The following UNC13C variants were observed in gnomAD, a reference collection of about 807,000 sequenced individuals.
UNC13C encodes the protein unc-13 homolog C.
UNC13C carries 174 observed loss-of-function variants against 245.4 expected under a neutral mutation model. The observed-to-expected ratio is 0.71, with a 90% CI of 0.63 to 0.80. The LOEUF (loss-of-function observed/expected upper bound fraction) is 0.80, where lower values mean the gene tolerates loss of function less well. Ranked by LOEUF, UNC13C falls within the 30% of genes least tolerant of loss-of-function variation. The probability of loss-of-function intolerance (pLI) is 0.00; values close to 1 mark genes in which losing one functional copy is unlikely to be tolerated. For missense variants in UNC13C, 2,829 were observed against 2,602.9 expected (o/e 1.09, Z -1.89); for synonymous variants, 992 against 895.1 (o/e 1.11, Z -1.93).
At chr15:54,584,077 C>T (rs1378781175) in intron 30 of UNC13C, among the ~76,000 whole-genome samples, 1 of 152,158 alleles carries the variant, frequency 6.6e-6, no homozygotes, top group African/African-American at 2.4e-5. Context: ...GGTTTCACCT[C>T]CTCCTTGTGC....
chr15:54,372,231 A>G (rs1038551989), intron 17 of UNC13C, among the ~76,000 whole-genome samples: 2 of 152,092 alleles, frequency 1.3e-5, no homozygotes, highest in African/African-American at 2.4e-5. Flanking sequence ...TTTACTTGTC[A>G]ATTAAAAAGT....
chr15:54,005,676 A>T (rs1895103723), intron 1 of UNC13C, among the ~76,000 whole-genome samples: 1 of 152,238 alleles, frequency 6.6e-6, no homozygotes, highest in African/African-American at 2.4e-5. Context: ...AAAAGAAAAG[A>T]TGACAAGTTA....
intron 25 of UNC13C, among the ~76,000 whole-genome samples, chr15:54,528,018 A>G (rs761075669): frequency 1.2e-4 from 18 of 151,488 alleles, no homozygotes; most frequent in Non-Finnish European, 2.4e-4. Context: ...TTGGCAGTGT[A>G]GAGTTTTAGA....
rs141957266 is a variant in UNC13C, at chr15:54,162,931, T to C, written c.3071+19247T>C. ...AGTTTAATTTTGTTTTTTTAAACTA[T>C]GTTCCCTGAATAGGTGAGACAAGGT... On this transcript the variant is annotated intron_variant, in intron 4 of 32. Coordinates refer to ENST00000260323, the MANE Select transcript of UNC13C (RefSeq NM_001080534.3). Among the ~76,000 whole-genome samples the C allele has an allele frequency of 4.4e-3, 670 of 152,322 alleles. 3 individuals are homozygous for C. The highest frequency in any genetic ancestry group is 0.014 in the Middle Eastern group (4 of 294).
intron 2 of UNC13C, among the ~76,000 whole-genome samples, chr15:54,129,631 G>A (rs2031282209): frequency 6.6e-6 from 1 of 151,416 alleles, no homozygotes; most frequent in Non-Finnish European, 1.5e-5. Context: ...TTTTTATTTT[G>A]ATAGTTTAAT....
chr15:54,276,264 T>C (rs1285881118), intron 10 of UNC13C, among the ~76,000 whole-genome samples: 2 of 152,114 alleles, frequency 1.3e-5, no homozygotes, highest in Non-Finnish European at 2.9e-5. Context: ...CCTAAAAATA[T>C]TGTACATTTC....
In UNC13C at chr15:54,120,052, G is replaced by A. The variant is rs576074088; in HGVS notation, c.2984-22966G>A. On this transcript the variant is annotated intron_variant, in intron 2 of 32. Transcript: ENST00000260323. Reference sequence around the variant, plus strand: ...AACAAGTGCTTATGCAGAAGCTGCTGCAAGTTATCCAGAAGACCTAGTTAA... The same window carrying A: ...AACAAGTGCTTATGCAGAAGCTGCTACAAGTTATCCAGAAGACCTAGTTAA... Among the ~76,000 whole-genome samples, 10 of 152,318 alleles carry A rather than the reference G, an allele frequency of 6.6e-5. No individual in the cohort carries two copies. The South Asian group carries it at 2.1e-3, about 32-fold the overall frequency.
intron 13 of UNC13C, among the ~76,000 whole-genome samples, chr15:54,320,281 C>G (rs1201274483): frequency 6.6e-6 from 1 of 151,958 alleles, no homozygotes; most frequent in Admixed American, 6.6e-5. Flanking sequence ...AGGGAAACTC[C>G]TGCGCAGTTG....
intron 19 of UNC13C, among the ~76,000 whole-genome samples, chr15:54,481,192 T>A (rs200175192): frequency 1.9e-5 from 1 of 52,956 alleles, no homozygotes; most frequent in South Asian, 7.2e-4. Context: ...AATGCATTGC[T>A]GTGGATGGGA....
chr15:54,328,257 C>T (rs1596228366), intron 14 of UNC13C, among the ~76,000 whole-genome samples: 1 of 152,146 alleles, frequency 6.6e-6, no homozygotes, highest in African/African-American at 2.4e-5. Flanking sequence ...TCAATAAGAG[C>T]TATAAATATA....
chr15:54,095,940 A>T (rs1292783677), intron 2 of UNC13C, among the ~76,000 whole-genome samples: 1 of 152,204 alleles, frequency 6.6e-6, no homozygotes, highest in Non-Finnish European at 1.5e-5. Flanking sequence ...GACACACAGC[A>T]CGTGTCCATG....
At chr15:54,452,468 G>A (rs1891232440) in intron 19 of UNC13C, among the ~76,000 whole-genome samples, 1 of 152,132 alleles carries the variant, frequency 6.6e-6, no homozygotes. Flanking sequence ...CTACAGTGGT[G>A]GCAACAGCAG....
At chr15:54,439,560 T>G in intron 19 of UNC13C, among the ~76,000 whole-genome samples, 1 of 151,960 alleles carries the variant, frequency 6.6e-6, no homozygotes, top group East Asian at 1.9e-4. Flanking sequence ...ATACAAAATT[T>G]TATATAATTG....
chr15:54,192,109 T>C (rs906597057), intron 4 of UNC13C, among the ~76,000 whole-genome samples: 2 of 152,180 alleles, frequency 1.3e-5, no homozygotes, highest in Non-Finnish European at 2.9e-5. Context: ...CATGGAGTCT[T>C]TGCCCATGCC....
intron 2 of UNC13C, among the ~76,000 whole-genome samples, chr15:54,123,530 TAAATC>T (rs2030824540): frequency 6.6e-6 from 1 of 152,164 alleles, no homozygotes; most frequent in South Asian, 2.1e-4. Context: ...TCAAAAGTAA[TAAATC>T]AAAGTAATTT....
rs550577398 is a variant in UNC13C, at chr15:54,215,689, G to T, written c.3072-19341G>T. The stretch of plus-strand genomic sequence containing the variant: ...AATTGGGACTTTTACCAGAGTTCAT[G>T]AAGTGGCATGGAGGGATTGAGAAAA... On this transcript the variant is annotated intron_variant, in intron 4 of 32. Coordinates refer to ENST00000260323, the MANE Select transcript of UNC13C (RefSeq NM_001080534.3). Among the ~76,000 whole-genome samples, 5 of 152,070 alleles carry T rather than the reference G, an allele frequency of 3.3e-5. No individual in the cohort carries two copies. In the East Asian group the frequency reaches 9.7e-4, roughly 29 times the overall value.
intron 13 of UNC13C, among the ~76,000 whole-genome samples, chr15:54,315,442 T>A (rs944255648): frequency 2.6e-5 from 4 of 151,678 alleles, no homozygotes; most frequent in Non-Finnish European, 5.9e-5. Context: ...TCCAGTTTCC[T>A]GGGTTTACTT....
Position 54,055,858 on chromosome 15 carries a change from CATT to C in UNC13C, c.2983+39973_2983+39975del, listed in dbSNP as rs377028247. On this transcript the variant is annotated intron_variant, in intron 2 of 32. Transcript: ENST00000260323. The stretch of plus-strand genomic sequence containing the variant: ...TTTTGCGTCCAATGGGTACATTTAT[CATT>C]GACAGCTGGAAATTTCAGGACACCT... Among the ~76,000 whole-genome samples the C allele has an allele frequency of 2.0e-4, 30 of 152,222 alleles. No individual in the cohort carries two copies. In the East Asian group the frequency reaches 5.8e-3, roughly 29 times the overall value.
rs530111873 is a variant in UNC13C, at chr15:54,202,930, C to T, written c.3072-32100C>T. The stretch of plus-strand genomic sequence containing the variant: ...TACAATCAATACATCCGACAAAGGA[C>T]TAATATCCAGAGTTTACAGGAACTC... On this transcript the variant is annotated intron_variant, in intron 4 of 32. Coordinates refer to ENST00000260323, the MANE Select transcript of UNC13C (RefSeq NM_001080534.3). 8.6e-5 allele frequency among the ~76,000 whole-genome samples: 13 copies of T among 152,010 alleles called. No individual in the cohort carries two copies. The East Asian group carries it at 2.5e-3, about 29-fold the overall frequency.
Sources: gnomAD v4.1 joint callset for allele counts (sites outside exome capture counted in the v4.1 genomes callset) on GRCh38, gnomAD v4.1.1 for gene constraint, MANE v1.5 for transcripts, NCBI Gene and HGNC (gene_info 2026-07-23, HGNC 2026-07-21) for gene names.